The following NCOR2 variants were observed in gnomAD, a reference collection of about 807,000 sequenced individuals.
NCOR2 encodes nuclear receptor corepressor 2, also known as CTG repeat protein 26.
NCOR2 carries 81 observed loss-of-function variants against 262.9 expected under a neutral mutation model. The observed-to-expected ratio is 0.31, with a 90% CI of 0.26 to 0.37. NCOR2 has a LOEUF of 0.37. Among genes scored for constraint, NCOR2 ranks in the 10% least tolerant of loss-of-function variants. The pLI is 1.00. For synonymous variants in NCOR2, 1,659 were observed against 1,559.3 expected, an observed-to-expected ratio of 1.06 and a Z score of -1.51; for missense variants, 3,385 against 3,621.4, an observed-to-expected ratio of 0.93 and a Z score of 1.68.
At chr12:124,406,833 G>A (rs2042303498) in intron 13 of NCOR2, among the ~76,000 whole-genome samples, 1 of 152,184 alleles carries the variant, frequency 6.6e-6, no homozygotes, top group Non-Finnish European at 1.5e-5. Flanking sequence ...CACATGACTG[G>A]GCCTGTGCAG....
chr12:124,365,903 C>T (rs1419897741), intron 20 of NCOR2, among the ~76,000 whole-genome samples: 2 of 152,116 alleles, frequency 1.3e-5, no homozygotes, highest in African/African-American at 2.4e-5. Flanking sequence ...ATCACCTGTC[C>T]CAACATTCTC....
chr12:124,396,786 C>T (rs367650074), intron 16 of NCOR2, among the ~76,000 whole-genome samples: 6 of 152,164 alleles, frequency 3.9e-5, no homozygotes, highest in East Asian at 3.8e-4. Flanking sequence ...CCTCAGCACC[C>T]CCCACAACTA....
At chr12:124,381,944 A>C (rs914390215) in intron 17 of NCOR2, among the ~76,000 whole-genome samples, 16 of 152,210 alleles carry the variant, frequency 1.1e-4, no homozygotes, top group African/African-American at 3.9e-4. Context: ...CGGCCGCCGG[A>C]TCCTGCTTCC....
chr12:124,391,138 C>G (rs575690595), intron 16 of NCOR2, among the ~76,000 whole-genome samples: 1 of 152,366 alleles, frequency 6.6e-6, no homozygotes, highest in South Asian at 2.1e-4. Flanking sequence ...CTCCAAGCTG[C>G]TTTTCTCCAA....
intron 40 of NCOR2, 75 bp downstream of exon 42, chr12:124,335,060 G>A: frequency 1.2e-6 from 2 of 1,604,078 alleles, no homozygotes; most frequent in Non-Finnish European, 1.7e-6. Context: ...GGGCTGTGGG[G>A]TTCCCCATCC....
Position 124,566,877 on chromosome 12 carries a change from C to T in NCOR2, c.-165+431G>A, listed in dbSNP as rs1220556906. 6.6e-6 allele frequency among the ~76,000 whole-genome samples: 1 copy of T among 152,194 alleles called. No individual in the cohort carries two copies. On this transcript the variant is annotated intron_variant, in intron 1 of 32. Coordinates refer to the NCOR2 transcript ENST00000458234. This position sits in a 1 kb window ranked among gnomAD's most constrained non-coding sequence, Gnocchi z 4.3. ...AGCCAGGCCAGGGAGCTAGGGGTAC[C>T]ATCTCCAAGGGCTTTCAAACCCGCG...
chr12:124,409,638 T>C (rs12582168), intron 13 of NCOR2, among the ~76,000 whole-genome samples: 34,669 of 151,774 alleles, frequency 0.23, 4,136 homozygotes, highest in Admixed American at 0.29. Flanking sequence ...GGCTTGCACA[T>C]GGTCCAAGTT....
chr12:124,397,519 C>T (rs1220167237), intron 16 of NCOR2, among the ~76,000 whole-genome samples: 1 of 152,236 alleles, frequency 6.6e-6, no homozygotes, highest in Non-Finnish European at 1.5e-5. Context: ...AGCACCAATG[C>T]CTGCTGGCTC....
intron 17 of NCOR2, among the ~76,000 whole-genome samples, chr12:124,384,960 G>A (rs920852421): frequency 3.9e-5 from 6 of 152,114 alleles, no homozygotes; most frequent in Non-Finnish European, 4.4e-5. Context: ...AGTCGCACAT[G>A]AGCCTGGCTA....
rs537105801 is a variant in NCOR2 at position 124,354,191 on chromosome 12, C to A, written c.3595G>T (p.Ala1199Ser). 1.6e-5 allele frequency: 26 copies of A among 1,597,196 alleles called. No individual in the cohort carries two copies. In the South Asian group the frequency reaches 2.6e-4, roughly 16 times the overall value. ...CTTCCGCCCGGAACTGAGCCCAGAG[C>A]TGTCCCTGGAAGACACAAGATGTGG... Residue 1199 changes from alanine to serine, a missense_variant, in exon 27 of 47, where the codon GCT becomes TCT. Physicochemically the swap from Ala to Ser is moderately conservative, Grantham distance 99 (BLOSUM62 1). Transcript: ENST00000405201.
At chr12:124,471,010 T>A (rs75797911) in intron 4 of NCOR2, among the ~76,000 whole-genome samples, 2,795 of 152,298 alleles carry the variant, frequency 0.018, 84 homozygotes, top group African/African-American at 0.064. Flanking sequence ...TGGCAATGCC[T>A]GCCCACGCCG....
chr12:124,461,453 G>T (rs2046157609), intron 5 of NCOR2, among the ~76,000 whole-genome samples: 1 of 152,248 alleles, frequency 6.6e-6, no homozygotes, highest in African/African-American at 2.4e-5. Flanking sequence ...CTCTGGGTCT[G>T]CGTGGCCAGG....
At chr12:124,438,778 C>CAGAGAGAGAGAGAGAGAGAG (rs56072801) in intron 7 of NCOR2, among the ~76,000 whole-genome samples, 6 of 60,066 alleles carry the variant, frequency 1.0e-4, no homozygotes, top group African/African-American at 1.6e-4. Context: ...CCCAGAGAGA[C>CAGAGAGAGAGAGAGAGAGAG]AGAGAGAGAG....
intron 1 of NCOR2, among the ~76,000 whole-genome samples, chr12:124,528,708 A>G (rs188146240): frequency 2.0e-3 from 300 of 152,344 alleles, no homozygotes; most frequent in Non-Finnish European, 3.0e-3. Flanking sequence ...CCAGCCACCA[A>G]TTCTTGGCAT....
chr12:124,326,025 C>T (rs564732422), intron 46 of NCOR2, 166 bp downstream of exon 48: 9 of 724,582 alleles, frequency 1.2e-5, no homozygotes, highest in Admixed American at 1.2e-4. Context: ...CCTGATGGTT[C>T]GTGAGCCAGG....
chr12:124,532,354 G>A lies in NCOR2; in HGVS notation c.-118+3211C>T, dbSNP rs560241782. 7.2e-5 allele frequency among the ~76,000 whole-genome samples: 11 copies of A among 152,296 alleles called. No individual in the cohort carries two copies. The East Asian group carries it at 1.4e-3, about 19-fold the overall frequency. On this transcript the variant is annotated intron_variant, in intron 1 of 46. Coordinates refer to the NCOR2 transcript ENST00000404621. ...TGGTGGGGCAGGGCATCCGGGCAGC[G>A]TCTGTCCTCTGTCAGGGGAGTGCAG...
At chr12:124,377,695 C>T (rs2040111545) in intron 18 of NCOR2, among the ~76,000 whole-genome samples, 1 of 151,828 alleles carries the variant, frequency 6.6e-6, no homozygotes, top group South Asian at 2.1e-4. Flanking sequence ...AAAAATTAGC[C>T]GGGTGTGGCG....
rs1164020907 is a variant in NCOR2 at position 124,501,058 on chromosome 12, GCGCGCACACACACA to G, written c.-117-5704_-117-5691del. 8.7e-3 allele frequency among the ~76,000 whole-genome samples: 575 copies of G among 66,244 alleles called. 6 individuals are homozygous for G. Among genetic ancestry groups the G allele is most frequent in the African/African-American group, 0.027 (523 of 19,246 alleles). The allele number at this position is 66,244 out of a possible 152,430, so 43.5% of individuals were successfully genotyped here. The stretch of plus-strand genomic sequence containing the variant: ...GCCCACGGCACGAGCGCGCGCGCAC[GCGCGCACACACACA>G]CACACACACACACACACACACACAC... On this transcript the variant is annotated intron_variant, in intron 1 of 46. Coordinates refer to the NCOR2 transcript ENST00000404621.
chr12:124,335,728 G>A (rs1225897259), intron 38 of NCOR2, 96 bp from the exon 41 acceptor site: 38 of 1,393,472 alleles, frequency 2.7e-5, no homozygotes, highest in Non-Finnish European at 3.8e-6. Context: ...GACCCCGGGG[G>A]GGTCAAGGGG....
Sources: allele counts gnomAD v4.1 joint callset (sites outside exome capture counted in the v4.1 genomes callset), GRCh38; gene constraint gnomAD v4.1.1; non-coding constraint Gnocchi (gnomAD v3.1); transcripts MANE v1.5; gene names NCBI Gene and HGNC (gene_info 2026-07-23, HGNC 2026-07-21).